The following DCC variants were observed in gnomAD, a reference collection of about 807,000 sequenced individuals.
DCC encodes the protein netrin receptor DCC.
DCC carries 58 observed loss-of-function variants against 172.5 expected under a neutral mutation model. The observed-to-expected ratio is 0.34, with a 90% CI of 0.27 to 0.42. The LOEUF (loss-of-function observed/expected upper bound fraction) is 0.42. Ranked by LOEUF, DCC falls within the 10% of genes least tolerant of loss-of-function variation. The probability of loss-of-function intolerance (pLI) is 1.00; values close to 1 mark genes in which losing one functional copy is unlikely to be tolerated. For synonymous variants in DCC, 709 were observed against 644.5 expected (o/e 1.10, Z -1.52); for missense variants, 1,740 against 1,791.0 (o/e 0.97, Z 0.51).
In DCC at chr18:53,316,054, C is replaced by G. The variant is rs182636838; in HGVS notation, c.2054-5993C>G. ...TGAAGTCTTTGGCCATGCCTATGTC[C>G]TAGGTTTTCTTCTAGGGTTTTTATG... On this transcript the variant is annotated intron_variant, in intron 13 of 28. Coordinates refer to ENST00000442544, the MANE Select transcript of DCC (RefSeq NM_005215.4). Among the ~76,000 whole-genome samples, 109 of 152,184 alleles carry G rather than the reference C, an allele frequency of 7.2e-4. 1 individual carries two copies. The highest frequency in any genetic ancestry group is 1.2e-3 in the Non-Finnish European group (79 of 67,998).
At chr18:52,378,133 T>A (rs1985431777) in intron 1 of DCC, among the ~76,000 whole-genome samples, 1 of 152,116 alleles carries the variant, frequency 6.6e-6, no homozygotes, top group Non-Finnish European at 1.5e-5. Context: ...AGGAATAGAT[T>A]AACTAGGGAC....
At chr18:53,354,037 T>A (rs1263403004) in intron 15 of DCC, among the ~76,000 whole-genome samples, 1 of 152,190 alleles carries the variant, frequency 6.6e-6, no homozygotes, top group Admixed American at 6.5e-5. Context: ...CTTGCGATAG[T>A]TTGCTGAGAA....
intron 1 of DCC, among the ~76,000 whole-genome samples, chr18:52,474,067 G>T (rs1310289584): frequency 6.6e-6 from 1 of 152,018 alleles, no homozygotes; most frequent in African/African-American, 2.4e-5. Flanking sequence ...GCTAAAAACT[G>T]CAATGTCTCT....
chr18:52,799,129 A>G (rs543157468), intron 2 of DCC, among the ~76,000 whole-genome samples: 6 of 152,232 alleles, frequency 3.9e-5, no homozygotes, highest in African/African-American at 2.4e-5. Flanking sequence ...TGCTTAATAC[A>G]TATAGACATA....
chr18:52,403,305 T>C (rs1173150946), intron 1 of DCC, among the ~76,000 whole-genome samples: 2 of 151,994 alleles, frequency 1.3e-5, no homozygotes, highest in East Asian at 1.9e-4. Flanking sequence ...GGTCTCCCTA[T>C]AAGGGAAGCA....
chr18:53,357,329 A>G (rs1294819199), intron 15 of DCC, among the ~76,000 whole-genome samples: 1 of 152,190 alleles, frequency 6.6e-6, no homozygotes, highest in East Asian at 1.9e-4. Flanking sequence ...ATGAACCTTT[A>G]TAACTCCCAG....
chr18:53,143,338 C>G (rs2043858176), intron 7 of DCC, among the ~76,000 whole-genome samples: 1 of 152,168 alleles, frequency 6.6e-6, no homozygotes, highest in Admixed American at 6.6e-5. Context: ...AGTGTGCTGA[C>G]AGCTGTATAG....
chr18:52,539,865 A>T (rs1482656000), intron 1 of DCC, among the ~76,000 whole-genome samples: 1 of 152,230 alleles, frequency 6.6e-6, no homozygotes, highest in Admixed American at 6.5e-5. Flanking sequence ...ATAAATATGT[A>T]TAAATTTTAT....
At chr18:53,386,433 A>G (rs1336930034) in intron 16 of DCC, among the ~76,000 whole-genome samples, 1 of 152,154 alleles carries the variant, frequency 6.6e-6, no homozygotes, top group Non-Finnish European at 1.5e-5. Flanking sequence ...TCCCAATAGC[A>G]TCATGGTTTT....
chr18:53,043,467 T>G (rs1287535062), intron 5 of DCC, among the ~76,000 whole-genome samples: 1 of 151,758 alleles, frequency 6.6e-6, no homozygotes, highest in Non-Finnish European at 1.5e-5. Context: ...AATGAAAAAT[T>G]AAATAATTAA....
chr18:53,226,167 C>T (rs529240736), intron 12 of DCC, among the ~76,000 whole-genome samples: 20 of 152,156 alleles, frequency 1.3e-4, no homozygotes, highest in African/African-American at 4.1e-4. Flanking sequence ...CACAATGTTT[C>T]GGATAGGGCC....
chr18:53,406,365 T>C (rs922273505), intron 19 of DCC, among the ~76,000 whole-genome samples: 4 of 151,498 alleles, frequency 2.6e-5, no homozygotes, highest in Non-Finnish European at 5.9e-5. Flanking sequence ...TTACTTTCTC[T>C]GGAAAAGTGT....
At chr18:53,380,072 T>C (rs1907597673) in intron 15 of DCC, among the ~76,000 whole-genome samples, 1 of 152,206 alleles carries the variant, frequency 6.6e-6, no homozygotes, top group African/African-American at 2.4e-5. Flanking sequence ...TGTCACTAAG[T>C]GTATTCCTGC....
At chr18:53,128,892 T>C (rs1422902420) in intron 7 of DCC, among the ~76,000 whole-genome samples, 2 of 137,964 alleles carry the variant, frequency 1.4e-5, no homozygotes, top group Non-Finnish European at 1.6e-5. Context: ...TATATATATA[T>C]ATATATATAT....
At chr18:52,541,680 T>C (rs2032451247) in intron 1 of DCC, among the ~76,000 whole-genome samples, 1 of 151,972 alleles carries the variant, frequency 6.6e-6, no homozygotes, top group South Asian at 2.1e-4. Flanking sequence ...ACTTAATCCT[T>C]GATAAGAAGC....
intron 2 of DCC, among the ~76,000 whole-genome samples, chr18:52,832,147 G>A (rs887313224): frequency 6.6e-6 from 1 of 152,218 alleles, no homozygotes; most frequent in East Asian, 1.9e-4. Flanking sequence ...ACAAAAAAGG[G>A]AATAGGTTTT....
intron 1 of DCC, among the ~76,000 whole-genome samples, chr18:52,472,251 C>T (rs1343020729): frequency 3.9e-5 from 6 of 152,160 alleles, no homozygotes; most frequent in Admixed American, 2.0e-4. Flanking sequence ...TCCCCTTCCC[C>T]TTACGGTTCC....
chr18:52,970,218 C>T (rs2041008289), intron 5 of DCC, among the ~76,000 whole-genome samples: 1 of 151,958 alleles, frequency 6.6e-6, no homozygotes, highest in Non-Finnish European at 1.5e-5. Context: ...TTGTTTAAAT[C>T]TTCTGAATAA....
intron 15 of DCC, among the ~76,000 whole-genome samples, chr18:53,373,584 A>C (rs181761102): frequency 6.6e-6 from 1 of 152,270 alleles, no homozygotes; most frequent in East Asian, 1.9e-4. Flanking sequence ...ATCATGTTTT[A>C]TTAAAGCACA....
Sources: allele counts gnomAD v4.1 joint callset (sites outside exome capture counted in the v4.1 genomes callset), GRCh38; gene constraint gnomAD v4.1.1; transcripts MANE v1.5; gene names NCBI Gene and HGNC (gene_info 2026-07-23, HGNC 2026-07-21).